The following ANKS1B variants were observed in gnomAD, a reference collection of about 807,000 sequenced individuals.
ANKS1B encodes ankyrin repeat and sterile alpha motif domain containing 1B.
In ANKS1B, 36 loss-of-function variants were observed where a neutral mutation model predicts 148.3. That is an observed-to-expected ratio of 0.24 (90% CI 0.19 to 0.32). ANKS1B has a LOEUF of 0.32. Among genes scored for constraint, ANKS1B ranks in the 10% least tolerant of loss-of-function variants. ANKS1B has a pLI of 1.00. For missense variants in ANKS1B, 1,157 were observed against 1,542.6 expected, an observed-to-expected ratio of 0.75 and a Z score of 4.19; for synonymous variants, 542 against 560.8, an observed-to-expected ratio of 0.97 and a Z score of 0.47.
chr12:99,830,650 A>G (rs1210754091), intron 1 of ANKS1B, among the ~76,000 whole-genome samples: 2 of 152,118 alleles, frequency 1.3e-5, no homozygotes, highest in Non-Finnish European at 2.9e-5. Flanking sequence ...AAAAAAAAAA[A>G]AAAAGGAAAA....
At chr12:99,707,110 G>A (rs369824215) in intron 8 of ANKS1B, among the ~76,000 whole-genome samples, 3 of 152,138 alleles carry the variant, frequency 2.0e-5, no homozygotes, top group East Asian at 1.9e-4. Context: ...ATGAATAAAG[G>A]ATCTAACCAA....
intron 17 of ANKS1B, among the ~76,000 whole-genome samples, chr12:98,989,459 T>C (rs968833743): frequency 6.6e-6 from 1 of 152,222 alleles, no homozygotes; most frequent in African/African-American, 2.4e-5. Flanking sequence ...TTTTGTTCCA[T>C]TGGTTTACGT....
intron 8 of ANKS1B, among the ~76,000 whole-genome samples, chr12:99,728,489 G>A (rs545398996): frequency 1.3e-4 from 20 of 152,280 alleles, no homozygotes; most frequent in African/African-American, 4.8e-4. Flanking sequence ...ATGCTTGGGA[G>A]GCTGTGGAGA....
rs142598086 is a variant in ANKS1B, at chr12:98,823,088, G to A, written c.3066+6086C>T. Among the ~76,000 whole-genome samples the A allele has an allele frequency of 3.3e-5, 5 of 152,326 alleles. No homozygotes were observed. In the East Asian group the frequency reaches 7.7e-4, roughly 24 times the overall value. On this transcript the variant is annotated intron_variant, in intron 19 of 26. Coordinates refer to ENST00000683438, the MANE Select transcript of ANKS1B (RefSeq NM_001352186.2). Reference sequence around the variant, plus strand: ...AGGTTTAAATTCCAAGTATGGAAGCGCTATTTTCCACTTTTGTGTTGGTCA... The same window carrying A: ...AGGTTTAAATTCCAAGTATGGAAGCACTATTTTCCACTTTTGTGTTGGTCA...
At chr12:99,649,252 G>C in intron 9 of ANKS1B, 1 of 1,474,766 alleles carries the variant, frequency 6.8e-7, no homozygotes. Flanking sequence ...AGATCTTGCT[G>C]GTCTCACTGT....
intron 12 of ANKS1B, among the ~76,000 whole-genome samples, chr12:99,380,277 T>C (rs1408030416): frequency 6.6e-6 from 1 of 152,240 alleles, no homozygotes; most frequent in Non-Finnish European, 1.5e-5. Context: ...TGCTCAAATG[T>C]TTTTATAAAA....
At chr12:99,345,286 AGC>A (rs2090509197) in intron 12 of ANKS1B, among the ~76,000 whole-genome samples, 1 of 152,042 alleles carries the variant, frequency 6.6e-6, no homozygotes, top group African/African-American at 2.4e-5. Context: ...CTTTCTTTGC[AGC>A]CCTCTCTATG....
intron 9 of ANKS1B, among the ~76,000 whole-genome samples, chr12:99,646,818 A>G (rs979184639): frequency 3.3e-5 from 5 of 151,000 alleles, no homozygotes; most frequent in African/African-American, 1.2e-4. Context: ...AATTCTTTAC[A>G]GCTTTTTTTT....
chr12:99,842,565 G>C (rs2085919674), intron 1 of ANKS1B, among the ~76,000 whole-genome samples: 1 of 152,070 alleles, frequency 6.6e-6, no homozygotes, highest in South Asian at 2.1e-4. Flanking sequence ...ACCATGGCCT[G>C]TCTTCAGCTA....
chr12:99,169,403 G>T (rs561419409), intron 14 of ANKS1B, among the ~76,000 whole-genome samples: 2 of 152,056 alleles, frequency 1.3e-5, no homozygotes, highest in African/African-American at 2.4e-5. Flanking sequence ...AATGACATTT[G>T]GAAAGGATGA....
intron 11 of ANKS1B, among the ~76,000 whole-genome samples, chr12:99,402,789 C>G (rs907653575): frequency 6.9e-6 from 1 of 145,882 alleles, no homozygotes; most frequent in African/African-American, 2.6e-5. Context: ...ATACGCATGA[C>G]GTGTCTTTGT....
At chr12:99,671,263 T>C (rs919917060) in intron 8 of ANKS1B, among the ~76,000 whole-genome samples, 20 of 152,282 alleles carry the variant, frequency 1.3e-4, no homozygotes, top group African/African-American at 4.8e-4. Flanking sequence ...CTCTTTCACA[T>C]GTTCTATTTT....
At chr12:99,850,647 C>T (rs746057240) in intron 1 of ANKS1B, among the ~76,000 whole-genome samples, 1 of 151,746 alleles carries the variant, frequency 6.6e-6, no homozygotes, top group Non-Finnish European at 1.5e-5. Context: ...GCAGAAATAC[C>T]CCAATTATGT....
chr12:99,925,536 T>G (rs916229961), intron 1 of ANKS1B, among the ~76,000 whole-genome samples: 1 of 152,142 alleles, frequency 6.6e-6, no homozygotes, highest in Non-Finnish European at 1.5e-5. Context: ...AAGTATATAG[T>G]GGTTCTGGGT....
intron 15 of ANKS1B, among the ~76,000 whole-genome samples, chr12:99,088,744 C>T (rs546650070): frequency 1.3e-5 from 2 of 149,366 alleles, no homozygotes; most frequent in South Asian, 2.1e-4. Context: ...CCATCAAAGA[C>T]AATAAACATT....
rs188272336 is a variant in ANKS1B at position 99,478,376 on chromosome 12, C to T, written c.1438+26100G>A. Among the ~76,000 whole-genome samples the T allele has an allele frequency of 2.6e-5, 4 of 152,152 alleles. No homozygotes were observed. In the East Asian group the frequency reaches 5.8e-4, roughly 22 times the overall value. ...ATTTTGGGTAGTATTTGAATGGCTG[C>T]AGACATTTTTGGAATCCAGCTAAAG... On this transcript the variant is annotated intron_variant, in intron 10 of 26. Coordinates refer to ENST00000683438, the MANE Select transcript of ANKS1B (RefSeq NM_001352186.2).
At chr12:99,422,674 GGAA>G (rs975212453) in intron 11 of ANKS1B, among the ~76,000 whole-genome samples, 1 of 152,110 alleles carries the variant, frequency 6.6e-6, no homozygotes, top group African/African-American at 2.4e-5. Flanking sequence ...GATACAAAAA[GGAA>G]GAAGAAGAGA....
chr12:98,945,511 A>ACAAAC lies in ANKS1B; in HGVS notation c.2778+107645_2778+107646insGTTTG, dbSNP rs764723736. Among the ~76,000 whole-genome samples the ACAAAC allele has an allele frequency of 8.5e-4, 98 of 114,912 alleles. 6 individuals carry two copies. Among genetic ancestry groups the ACAAAC allele is most frequent in the East Asian group, 1.3e-3 (5 of 3,824 alleles). The allele number at this position is 114,912 out of a possible 152,430, so 75.4% of individuals were successfully genotyped here. On this transcript the variant is annotated intron_variant, in intron 17 of 26. Transcript: ENST00000683438. ...CCCTGTCTCAACAAACAAACAAAAAAAAAAAAAAAAAAAAAAAAAAAAAGG... is the reference window on the plus strand; with the variant it reads ...CCCTGTCTCAACAAACAAACAAAAAACAAACAAAAAAAAAAAAAAAAAAAAAAAGG...
Position 98,794,601 on chromosome 12 carries a change from A to T in ANKS1B, c.3342+4333T>A, listed in dbSNP as rs918218455. The T allele has an allele frequency of 7.8e-5, 61 of 784,270 alleles. No individual in the cohort carries two copies. In the African/African-American group the frequency reaches 9.6e-4, roughly 12 times the overall value. The allele number at this position is 784,270 out of a possible 1,614,324, so 48.6% of individuals were successfully genotyped here. Reference sequence around the variant, plus strand: ...TTTGTAAATCTAAATGTCATTAAAAACTTTAAAAAGAAGTGCGATCCTCAC... The same window carrying T: ...TTTGTAAATCTAAATGTCATTAAAATCTTTAAAAAGAAGTGCGATCCTCAC... On this transcript the variant is annotated intron_variant, in intron 22 of 26. Coordinates refer to ENST00000683438, the MANE Select transcript of ANKS1B (RefSeq NM_001352186.2).
Sources: gnomAD v4.1 joint callset for allele counts (sites outside exome capture counted in the v4.1 genomes callset) on GRCh38, gnomAD v4.1.1 for gene constraint, MANE v1.5 for transcripts, NCBI Gene and HGNC (gene_info 2026-07-23, HGNC 2026-07-21) for gene names.